The following KCNIP4 variants were observed in gnomAD, a reference collection of about 807,000 sequenced individuals.
KCNIP4 encodes the protein Kv channel-interacting protein 4.
Under a neutral mutation model 34.0 loss-of-function variants are expected in KCNIP4, and 12 were observed. That is an observed-to-expected ratio of 0.35 (90% CI 0.23 to 0.57). The LOEUF (loss-of-function observed/expected upper bound fraction) is 0.57, where lower values mean the gene tolerates loss of function less well. KCNIP4 is among the 20% of genes least tolerant of loss of function. The pLI is 0.83. For missense variants in KCNIP4, 238 were observed against 311.7 expected (o/e 0.76, Z 1.78); for synonymous variants, 124 against 102.2 (o/e 1.21, Z -1.29).
chr4:20,743,353 T>C (rs1352062981), intron 5 of KCNIP4, among the ~76,000 whole-genome samples: 2 of 152,210 alleles, frequency 1.3e-5, no homozygotes, highest in East Asian at 3.9e-4. Context: ...GACATCATGC[T>C]GCCTGACTTC....
At chr4:21,632,015 T>A (rs190913438) in intron 1 of KCNIP4, among the ~76,000 whole-genome samples, 2 of 152,230 alleles carry the variant, frequency 1.3e-5, no homozygotes, top group African/African-American at 4.8e-5. Flanking sequence ...TACATCTTTG[T>A]GCTATCACAA....
At chr4:20,764,939 C>A (rs1232264745) in intron 3 of KCNIP4, among the ~76,000 whole-genome samples, 35 of 152,112 alleles carry the variant, frequency 2.3e-4, no homozygotes, top group Non-Finnish European at 4.4e-5. Context: ...TTATGCAGAC[C>A]ATTACTTTTA....
At chr4:20,790,803 T>C (rs1712654973) in intron 3 of KCNIP4, among the ~76,000 whole-genome samples, 1 of 152,178 alleles carries the variant, frequency 6.6e-6, no homozygotes, top group African/African-American at 2.4e-5. Flanking sequence ...ATAGACAACA[T>C]GTCAAATGAA....
At chr4:20,855,744 C>T (rs1320911262) in intron 2 of KCNIP4, among the ~76,000 whole-genome samples, 2 of 151,804 alleles carry the variant, frequency 1.3e-5, no homozygotes, top group Non-Finnish European at 1.5e-5. Flanking sequence ...TGAAAACAAA[C>T]ATTTGCTTTG....
intron 8 of KCNIP4, 122 bp downstream of exon 8, chr4:20,731,884 A>C: frequency 6.8e-7 from 1 of 1,470,286 alleles, no homozygotes; most frequent in Non-Finnish European, 9.0e-7. Context: ...TGCATGTTGT[A>C]GAAGTGGTAA....
At chr4:20,985,559 A>C (rs773589144) in intron 1 of KCNIP4, among the ~76,000 whole-genome samples, 8 of 152,166 alleles carry the variant, frequency 5.3e-5, no homozygotes, top group Non-Finnish European at 1.0e-4. Flanking sequence ...GCTTTCATTC[A>C]TTCAGTTATT....
chr4:21,414,246 G>A (rs188374109), intron 1 of KCNIP4, among the ~76,000 whole-genome samples: 1 of 152,164 alleles, frequency 6.6e-6, no homozygotes, highest in African/African-American at 2.4e-5. Flanking sequence ...ACTAAAGAAG[G>A]TAATGGAGAT....
intron 5 of KCNIP4, among the ~76,000 whole-genome samples, chr4:20,740,841 A>G (rs1258510490): frequency 6.6e-6 from 1 of 152,212 alleles, no homozygotes; most frequent in African/African-American, 2.4e-5. Context: ...GCCTGCAGAG[A>G]CAAACATAGG....
At chr4:21,357,968 A>C (rs562843615) in intron 1 of KCNIP4, among the ~76,000 whole-genome samples, 112 of 152,304 alleles carry the variant, frequency 7.4e-4, no homozygotes, top group African/African-American at 2.6e-3. Context: ...GCACATATAC[A>C]CCATGGAATA....
intron 1 of KCNIP4, among the ~76,000 whole-genome samples, chr4:20,909,385 A>G (rs932146536): frequency 1.3e-4 from 20 of 152,182 alleles, no homozygotes; most frequent in African/African-American, 4.8e-4. Context: ...TATCCAGTTA[A>G]TGATGAAAAT....
Position 21,400,507 on chromosome 4 carries a change from C to CT in KCNIP4, c.62-517799_62-517798insA, listed in dbSNP as rs1723411805. 6.4e-3 allele frequency among the ~76,000 whole-genome samples: 866 copies of CT among 134,558 alleles called. 45 individuals are homozygous for CT. Among genetic ancestry groups the CT allele is most frequent in the East Asian group, 0.031 (131 of 4,242 alleles). 88.3% of individuals were successfully genotyped at this position (134,558 alleles called of 152,430 possible). On this transcript the variant is annotated intron_variant, in intron 1 of 8. Coordinates refer to ENST00000382152, the MANE Select transcript of KCNIP4 (RefSeq NM_025221.6). ...CCTCTCCTCTCCCCTCCCTTCCCCTCCCTTCCTCTTCTCTTCTCTTCTCTT... is the reference window on the plus strand; with the variant it reads ...CCTCTCCTCTCCCCTCCCTTCCCCTCTCCTTCCTCTTCTCTTCTCTTCTCTT...
chr4:21,322,921 A>G (rs1397552652), intron 1 of KCNIP4, among the ~76,000 whole-genome samples: 1 of 152,080 alleles, frequency 6.6e-6, no homozygotes. Flanking sequence ...TCTAACAGCA[A>G]TTTGCCCAAG....
At chr4:21,317,305 C>T (rs1471316901) in intron 1 of KCNIP4, among the ~76,000 whole-genome samples, 3 of 151,960 alleles carry the variant, frequency 2.0e-5, no homozygotes, top group Admixed American at 6.6e-5. Context: ...GATTGATGAA[C>T]ATAGAAATCA....
At chr4:21,554,233 T>G (rs554632713) in intron 1 of KCNIP4, among the ~76,000 whole-genome samples, 63 of 152,050 alleles carry the variant, frequency 4.1e-4, no homozygotes, top group Non-Finnish European at 8.5e-4. Context: ...GAGCAGCAAA[T>G]GCAGAGAGCT....
intron 1 of KCNIP4, among the ~76,000 whole-genome samples, chr4:21,377,569 G>A (rs1311273942): frequency 6.6e-6 from 1 of 152,132 alleles, no homozygotes; most frequent in African/African-American, 2.4e-5. Flanking sequence ...GATCTGCTGT[G>A]GGAGAAATAA....
chr4:21,848,707 A>T (rs1166804527), intron 1 of KCNIP4: 5 of 152,056 alleles, frequency 3.3e-5, no homozygotes. Flanking sequence ...GGTAAACATT[A>T]TGGGTTAGAT....
chr4:21,741,183 T>C (rs540056532), intron 1 of KCNIP4, among the ~76,000 whole-genome samples: 2 of 152,306 alleles, frequency 1.3e-5, no homozygotes, highest in South Asian at 2.1e-4. Flanking sequence ...TTTCCATTTT[T>C]ATGAAGGAGG....
Position 21,687,287 on chromosome 4 carries a change from T to C in KCNIP4, c.61+261284A>G, listed in dbSNP as rs551003588. On this transcript the variant is annotated intron_variant, in intron 1 of 8. Transcript: ENST00000382152. ...ATACATATGTAACTAACCTGCACAA[T>C]GTGCACATATACCCTAAAACTTAAA... Among the ~76,000 whole-genome samples the C allele has an allele frequency of 9.1e-4, 133 of 145,950 alleles. 4 individuals are homozygous for C. In the South Asian group the frequency reaches 0.023, roughly 25 times the overall value.
chr4:20,898,064 G>T (rs905388298), intron 1 of KCNIP4, among the ~76,000 whole-genome samples: 4 of 152,114 alleles, frequency 2.6e-5, no homozygotes, highest in African/African-American at 7.2e-5. Flanking sequence ...AGGCAGAATA[G>T]GAAGGCATAG....
Sources: gnomAD v4.1 joint callset for allele counts (sites outside exome capture counted in the v4.1 genomes callset) on GRCh38, gnomAD v4.1.1 for gene constraint, MANE v1.5 for transcripts, NCBI Gene and HGNC (gene_info 2026-07-23, HGNC 2026-07-21) for gene names.